COX7B2: variants seen among roughly 807,000 people sequenced by gnomAD.
COX7B2 encodes cytochrome c oxidase subunit 7B2, also known as cytochrome c oxidase subunit 7B2, mitochondrial.
For synonymous variants in COX7B2, 37 were observed against 32.1 expected, an observed-to-expected ratio of 1.15 and a Z score of -0.51; for missense variants, 109 against 95.9, an observed-to-expected ratio of 1.14 and a Z score of -0.57.
In COX7B2 at chr4:46,764,329, G is replaced by A. The variant is rs192299367; in HGVS notation, c.-49-29088C>T. ...GGAGGCTGAGGCGGGTGGATCACCTGAGGTCAGGAGTTCAAGACCAGCCTG... is the reference window on the plus strand; with the variant it reads ...GGAGGCTGAGGCGGGTGGATCACCTAAGGTCAGGAGTTCAAGACCAGCCTG... On this transcript the variant is annotated intron_variant, in intron 2 of 2. Transcript: ENST00000355591. Among the ~76,000 whole-genome samples, 177 of 150,760 alleles carry A rather than the reference G, an allele frequency of 1.2e-3. 3 individuals carry two copies. In the East Asian group the frequency reaches 0.025, roughly 21 times the overall value.
intron 2 of COX7B2, among the ~76,000 whole-genome samples, chr4:46,837,738 C>T (rs1479018057): frequency 6.6e-6 from 1 of 151,918 alleles, no homozygotes; most frequent in African/African-American, 2.4e-5. Flanking sequence ...AAACTAATAG[C>T]AATTAAATAT....
At chr4:46,844,804 C>T (rs1416081288) in intron 2 of COX7B2, among the ~76,000 whole-genome samples, 156 bp downstream of exon 2, 1 of 151,964 alleles carries the variant, frequency 6.6e-6, no homozygotes, top group Non-Finnish European at 1.5e-5. Context: ...GGCTGATTCT[C>T]AGTAATAAAC....
intron 2 of COX7B2, among the ~76,000 whole-genome samples, chr4:46,831,433 G>A (rs1310426684): frequency 1.3e-5 from 2 of 152,172 alleles, no homozygotes; most frequent in Non-Finnish European, 2.9e-5. Context: ...GAGGAGTGCG[G>A]GCGCATGGCA....
At chr4:46,887,768 A>C (rs947123113) in intron 1 of COX7B2, among the ~76,000 whole-genome samples, 1 of 151,686 alleles carries the variant, frequency 6.6e-6, no homozygotes, top group African/African-American at 2.4e-5. Context: ...CAATCAAGTC[A>C]TATTTGGCAA....
At chr4:46,867,719 A>T (rs1488179367) in intron 1 of COX7B2, among the ~76,000 whole-genome samples, 1 of 152,202 alleles carries the variant, frequency 6.6e-6, no homozygotes, top group Non-Finnish European at 1.5e-5. Context: ...CATCCCAGGG[A>T]AGCCTACTTC....
At chr4:46,747,298 T>TTTTATTTTATTTTATTTTATTTTATTTTA (rs151135112) in intron 2 of COX7B2, among the ~76,000 whole-genome samples, 22 of 149,268 alleles carry the variant, frequency 1.5e-4, no homozygotes, top group African/African-American at 4.2e-4. Context: ...TTTTATTTTA[T>TTTTATTTTATTTTATTTTATTTTATTTTA]TTTATTTTAT....
At chr4:46,868,106 G>C (rs1717778966) in intron 1 of COX7B2, among the ~76,000 whole-genome samples, 1 of 152,106 alleles carries the variant, frequency 6.6e-6, no homozygotes, top group African/African-American at 2.4e-5. Flanking sequence ...TGAGTCTTGG[G>C]AGGGTGTATA....
At chr4:46,780,258 T>G (rs1437148747) in intron 2 of COX7B2, among the ~76,000 whole-genome samples, 2 of 152,176 alleles carry the variant, frequency 1.3e-5, no homozygotes, top group African/African-American at 4.8e-5. Flanking sequence ...GGCTCACACC[T>G]GTAATCCCCA....
chr4:46,774,743 T>A (rs995778945), intron 2 of COX7B2, among the ~76,000 whole-genome samples: 1 of 152,058 alleles, frequency 6.6e-6, no homozygotes, highest in Non-Finnish European at 1.5e-5. Flanking sequence ...TCAAGTCTTA[T>A]CACTGATGGG....
At chr4:46,748,121 C>A (rs1354498606) in intron 2 of COX7B2, among the ~76,000 whole-genome samples, 1 of 152,058 alleles carries the variant, frequency 6.6e-6, no homozygotes, top group Non-Finnish European at 1.5e-5. Flanking sequence ...ATCTTGGAAC[C>A]AATACTGGCC....
At chr4:46,893,619 T>C (rs1719576369) in intron 1 of COX7B2, among the ~76,000 whole-genome samples, 1 of 152,190 alleles carries the variant, frequency 6.6e-6, no homozygotes, top group Non-Finnish European at 1.5e-5. Context: ...AGAGGCTTAT[T>C]CATGGACAAG....
chr4:46,895,163 T>C (rs568903458), intron 1 of COX7B2, among the ~76,000 whole-genome samples: 1 of 152,278 alleles, frequency 6.6e-6, no homozygotes, highest in South Asian at 2.1e-4. Flanking sequence ...TTATAAATCA[T>C]TCTATTATAA....
intron 2 of COX7B2, among the ~76,000 whole-genome samples, chr4:46,815,096 G>T (rs1299790755): frequency 1.3e-5 from 2 of 151,482 alleles, no homozygotes; most frequent in Admixed American, 6.6e-5. Flanking sequence ...TGAGACAGGA[G>T]AATTGCTTGA....
intron 1 of COX7B2, among the ~76,000 whole-genome samples, chr4:46,878,565 A>C (rs551517504): frequency 6.6e-6 from 1 of 152,234 alleles, no homozygotes; most frequent in Non-Finnish European, 1.5e-5. Context: ...TTAAAGACCC[A>C]AAAATTTAGT....
intron 2 of COX7B2, among the ~76,000 whole-genome samples, chr4:46,774,615 AT>A (rs1717056246): frequency 6.6e-6 from 1 of 151,990 alleles, no homozygotes; most frequent in Non-Finnish European, 1.5e-5. Context: ...GCTATACAGA[AT>A]TTACTAATAC....
At chr4:46,887,710 CAAAAAAAAAAA>C (rs564556459) in intron 1 of COX7B2, among the ~76,000 whole-genome samples, 1 of 41,660 alleles carries the variant, frequency 2.4e-5, no homozygotes, top group Non-Finnish European at 5.3e-5. Flanking sequence ...GACTCCTTCT[CAAAAAAAAAAA>C]AAAAAAAAAA....
chr4:46,772,208 T>C (rs1449336632), intron 2 of COX7B2, among the ~76,000 whole-genome samples: 2 of 152,048 alleles, frequency 1.3e-5, no homozygotes, highest in African/African-American at 2.4e-5. Context: ...ACAAATACAA[T>C]ACTGGTTAAT....
intron 2 of COX7B2, among the ~76,000 whole-genome samples, chr4:46,762,280 AACATAT>A (rs1716216875): frequency 2.1e-5 from 3 of 140,218 alleles, no homozygotes; most frequent in African/African-American, 5.2e-5. Context: ...ATATATATGT[AACATAT>A]ATAAAATATA....
intron 1 of COX7B2, among the ~76,000 whole-genome samples, chr4:46,873,855 G>A (rs1013879305): frequency 6.6e-6 from 1 of 152,046 alleles, no homozygotes; most frequent in Non-Finnish European, 1.5e-5. Flanking sequence ...GGTGTGTGAT[G>A]TTCCCCACCC....
Sources: allele counts gnomAD v4.1 joint callset (sites outside exome capture counted in the v4.1 genomes callset), GRCh38; gene constraint gnomAD v4.1.1; transcripts MANE v1.5; gene names NCBI Gene and HGNC (gene_info 2026-07-23, HGNC 2026-07-21).